Variants in RAD23A observed in about 807,000 individuals in gnomAD.
RAD23A encodes the protein lysine-specific demethylase RAD23A.
In RAD23A, 16 loss-of-function variants were observed where a neutral mutation model predicts 44.8. That is an observed-to-expected ratio of 0.36 (90% CI 0.24 to 0.54). RAD23A has a LOEUF of 0.54. Among genes scored for constraint, RAD23A ranks in the 20% least tolerant of loss-of-function variants. The probability of loss-of-function intolerance (pLI) is 0.89; values close to 1 mark genes in which losing one functional copy is unlikely to be tolerated. For missense variants in RAD23A, 380 were observed against 483.3 expected, an observed-to-expected ratio of 0.79 and a Z score of 2.00; for synonymous variants, 217 against 202.9, an observed-to-expected ratio of 1.07 and a Z score of -0.59.
At position 12,953,183 on chromosome 19, in the gene RAD23A, A is replaced by G; in HGVS notation, c.*134A>G. ...AATCAAAAATCTTAAAAAAACAAGC[A>G]AACAGTCCAGCTTCCTGTCCTCCTA... On this transcript the variant is annotated 3_prime_UTR_variant, in exon 9 of 9. Coordinates refer to ENST00000586534, the MANE Select transcript of RAD23A (RefSeq NM_005053.4). 1 of 655,382 alleles carries G rather than the reference A, an allele frequency of 1.5e-6. No homozygotes were observed. Among genetic ancestry groups the G allele is most frequent in the Non-Finnish European group, 2.4e-6 (1 of 411,676 alleles). The allele number at this position is 655,382 out of a possible 1,614,324, so 40.6% of individuals were successfully genotyped here. A position where few individuals can be genotyped will look rare whatever the true frequency, so the allele number is the denominator to read the frequency against.
Position 12,953,174 on chromosome 19 carries a change from A to G in RAD23A, c.*125A>G. On this transcript the variant is annotated 3_prime_UTR_variant, in exon 9 of 9. Transcript: ENST00000586534. ...GGAAAAAAAAATCAAAAATCTTAAA[A>G]AAACAAGCAAACAGTCCAGCTTCCT... 1.4e-6 allele frequency: 1 copy of G among 701,416 alleles called. No homozygotes were observed. 43.4% of individuals were successfully genotyped at this position (701,416 alleles called of 1,614,324 possible).
Position 12,949,325 on chromosome 19 carries a change from A to G in RAD23A, c.730A>G (p.Met244Val), listed in dbSNP as rs1971746876. Residue 244 changes from methionine (M) to valine (V), a missense_variant, in exon 7 of 9, where the codon ATG becomes GTG. Met to Val is a conservative substitution (Grantham distance 21, BLOSUM62 1). Coordinates refer to ENST00000586534, the MANE Select transcript of RAD23A (RefSeq NM_005053.4). ...GCGGGACCAGCCCCAGTTCCAGAAC[A>G]TGCGGCAGGTGATTCAGCAGAACCC... is the stretch of plus-strand genomic sequence containing the variant. ...FLRDQPQFQN[M>V]RQVIQQNPAL... The G allele has an allele frequency of 1.2e-6, 2 of 1,614,018 alleles. No individual in the cohort carries two copies. The highest frequency in any genetic ancestry group is 1.3e-5 in the African/African-American group (1 of 74,922).
intron 1 of RAD23A, among the ~76,000 whole-genome samples, chr19:12,947,188 A>C (rs1743107878): frequency 6.6e-6 from 1 of 152,046 alleles, no homozygotes; most frequent in Non-Finnish European, 1.5e-5. Context: ...TTTGGGAGGC[A>C]GAGGCAGGAG....
rs971153618 is a variant in RAD23A, at chr19:12,953,170, TAAAA to T, written c.*125_*128del. 6.9e-6 allele frequency: 5 copies of T among 725,326 alleles called. No homozygotes were observed. The highest frequency in any genetic ancestry group is 1.9e-5 in the African/African-American group (1 of 53,776). The allele number at this position is 725,326 out of a possible 1,614,324, so 44.9% of individuals were successfully genotyped here. ...AAATGGAAAAAAAAATCAAAAATCTTAAAAAAACAAGCAAACAGTCCAGCTTCCT... is the reference window on the plus strand; with the variant it reads ...AAATGGAAAAAAAAATCAAAAATCTTAAACAAGCAAACAGTCCAGCTTCCT... On this transcript the variant is annotated 3_prime_UTR_variant, in exon 9 of 9. Coordinates refer to ENST00000586534, the MANE Select transcript of RAD23A (RefSeq NM_005053.4).
In RAD23A at chr19:12,945,905, G is replaced by A. The variant is rs375084870; in HGVS notation, c.-44G>A. The stretch of plus-strand genomic sequence containing the variant: ...AAGATGGCGGCGGCGTGAGTTGCAT[G>A]TTGTGTGAGGATCCCGGGGCCGCCG... On this transcript the variant is annotated 5_prime_UTR_variant, in exon 1 of 9. An upstream start codon of the reference 5' UTR is lost. Transcript: ENST00000586534. 5.6e-5 allele frequency: 89 copies of A among 1,596,268 alleles called. No homozygotes were observed. The highest frequency in any genetic ancestry group is 1.8e-4 in the Middle Eastern group (1 of 5,574).
In RAD23A at chr19:12,948,630, C is replaced by A; in HGVS notation, c.473-56C>A. 1 of 1,588,036 alleles carries A rather than the reference C, an allele frequency of 6.3e-7. No individual in the cohort carries two copies. The highest frequency in any genetic ancestry group is 8.6e-7 in the Non-Finnish European group (1 of 1,167,170). The stretch of plus-strand genomic sequence containing the variant: ...GGGCCTTGTCTGGGTGCGGGAGGGC[C>A]TGGGAGCTGCCCTTTCCTCTTCCTG... On this transcript the variant is annotated intron_variant, in intron 4 of 8. Coordinates refer to ENST00000586534, the MANE Select transcript of RAD23A (RefSeq NM_005053.4). This position sits in a 1 kb window ranked among gnomAD's most constrained non-coding sequence, Gnocchi z 5.5.
At chr19:12,949,241 C>T (rs761277819) in intron 6 of RAD23A, 34 bp from the exon 7 acceptor site, 6 of 1,613,830 alleles carry the variant, frequency 3.7e-6, no homozygotes, top group South Asian at 1.1e-5. Flanking sequence ...AGGAGCCCGG[C>T]GTGGTGTCTG....
intron 1 of RAD23A, among the ~76,000 whole-genome samples, chr19:12,946,994 G>A (rs959569595): frequency 1.3e-5 from 2 of 152,048 alleles, no homozygotes; most frequent in South Asian, 2.1e-4. Flanking sequence ...TTGAGCCTAG[G>A]AATTCGAGAT....
chr19:12,952,336 C>T (rs567023502), intron 7 of RAD23A: 121 of 190,394 alleles, frequency 6.4e-4, no homozygotes, highest in Admixed American at 1.7e-3. Flanking sequence ...GGATTACAGG[C>T]GTCTGCCACC....
Position 12,945,923 on chromosome 19 carries a change from G to T in RAD23A, c.-26G>T. ...GTTGCATGTTGTGTGAGGATCCCGG[G>T]GCCGCCGCGTCGCTCGGGCCCCGCC... On this transcript the variant is annotated 5_prime_UTR_variant, in exon 1 of 9. Coordinates refer to ENST00000586534, the MANE Select transcript of RAD23A (RefSeq NM_005053.4). 2 of 1,605,772 alleles carry T rather than the reference G, an allele frequency of 1.2e-6. No individual in the cohort carries two copies. Among genetic ancestry groups the T allele is most frequent in the Non-Finnish European group, 1.7e-6 (2 of 1,177,310 alleles).
Position 12,948,499 on chromosome 19 carries a change from C to T in RAD23A, c.419C>T (p.Ser140Phe). The T allele has an allele frequency of 6.3e-7, 1 of 1,589,988 alleles. No individual in the cohort carries two copies. Among genetic ancestry groups the T allele is most frequent in the Non-Finnish European group, 8.6e-7 (1 of 1,168,078 alleles). The change falls in exon 4 of 9, where the codon TCT (serine) becomes TTT (phenylalanine). Residue 140 changes from serine (S) to phenylalanine (F), a missense_variant and splice_region_variant. Ser to Phe is a radical substitution (Grantham distance 155). This residue lies in a region of RAD23A where 279 missense variants were observed against 313.7 expected (regional missense o/e 0.89). Transcript: ENST00000586534. This position sits in a 1 kb window ranked among gnomAD's most constrained non-coding sequence, Gnocchi z 5.5. ...ATTTCTCTCTCTTGAATTTGCAGCT[C>T]TGTTCCCTCTTCAGGTAGCAGCGGG... is the stretch of plus-strand genomic sequence containing the variant. ...PTTSPESVSG[S>F]VPSSGSSGRE...
intron 7 of RAD23A, 107 bp from the exon 8 acceptor site, chr19:12,952,582 C>T: frequency 4.6e-6 from 6 of 1,298,850 alleles, no homozygotes; most frequent in South Asian, 2.8e-5. Context: ...GAACAGGCTC[C>T]TCTGGATATT....
chr19:12,946,131 C>A (rs1004374611), intron 1 of RAD23A, 111 bp downstream of exon 1: 1 of 1,084,198 alleles, frequency 9.2e-7, no homozygotes, highest in Non-Finnish European at 1.3e-6. Flanking sequence ...CGCGGGTCGG[C>A]CCTGCCCAGA....
intron 7 of RAD23A, among the ~76,000 whole-genome samples, chr19:12,951,633 A>G (rs1326170486): frequency 6.6e-6 from 1 of 151,970 alleles, no homozygotes; most frequent in Non-Finnish European, 1.5e-5. Flanking sequence ...TTTAGTAGAG[A>G]TGGGATTTCT....
chr19:12,949,271 C>T lies in RAD23A; in HGVS notation c.680-4C>T. 2 of 1,614,032 alleles carry T rather than the reference C, an allele frequency of 1.2e-6. No homozygotes were observed. The highest frequency in any genetic ancestry group is 1.7e-6 in the Non-Finnish European group (2 of 1,179,886). ...TGTCTGACTGCACCCCTTCCTACTACCAGCAGGAGAGAACCCCCTGGAGTT... is the reference window on the plus strand; with the variant it reads ...TGTCTGACTGCACCCCTTCCTACTATCAGCAGGAGAGAACCCCCTGGAGTT... On this transcript the variant is annotated splice_polypyrimidine_tract_variant and splice_region_variant and intron_variant, in intron 6 of 8. Coordinates refer to ENST00000586534, the MANE Select transcript of RAD23A (RefSeq NM_005053.4).
At chr19:12,949,748 C>T (rs1351453234) in intron 7 of RAD23A, among the ~76,000 whole-genome samples, 1 of 152,148 alleles carries the variant, frequency 6.6e-6, no homozygotes, top group South Asian at 2.1e-4. Flanking sequence ...GCTTCACATA[C>T]AGATGGTGCT....
At position 12,949,170 on chromosome 19, in the gene RAD23A, A is replaced by T. The variant is rs779936427; in HGVS notation, c.679+11A>T. On this transcript the variant is annotated intron_variant, in intron 6 of 8. Transcript: ENST00000586534. The stretch of plus-strand genomic sequence containing the variant: ...CGGCCACGGAAGCAGGTGGGTGTGC[A>T]CATGCCGCATCTGCCCTCCAGGTAC... 10 of 1,613,952 alleles carry T rather than the reference A, an allele frequency of 6.2e-6. No homozygotes were observed. The East Asian group carries it at 1.1e-4, about 18-fold the overall frequency.
intron 7 of RAD23A, 33 bp from the exon 8 acceptor site, chr19:12,952,656 G>T: frequency 6.3e-7 from 1 of 1,583,240 alleles, no homozygotes; most frequent in African/African-American, 1.3e-5. Flanking sequence ...CCAGGGCTGT[G>T]AATTACCTTC....
intron 1 of RAD23A, among the ~76,000 whole-genome samples, chr19:12,947,230 C>A (rs1445441407): frequency 7.0e-6 from 1 of 141,968 alleles, no homozygotes; most frequent in African/African-American, 2.6e-5. Flanking sequence ...TGAGACCAGC[C>A]AGTCTAACAT....
Sources: allele counts gnomAD v4.1 joint callset (sites outside exome capture counted in the v4.1 genomes callset), GRCh38; gene constraint gnomAD v4.1.1; regional missense constraint gnomAD v4.1.1; non-coding constraint Gnocchi (gnomAD v3.1); transcripts MANE v1.5; gene names NCBI Gene and HGNC (gene_info 2026-07-23, HGNC 2026-07-21).